The following KCTD16 variants were observed in gnomAD, a reference collection of about 807,000 sequenced individuals.
KCTD16 encodes the protein BTB/POZ domain-containing protein KCTD16.
A neutral mutation model predicts 33.2 loss-of-function variants in KCTD16; 13 were observed. The ratio of observed to expected loss-of-function variants is 0.39; its 90% CI spans 0.25 to 0.62. The LOEUF (loss-of-function observed/expected upper bound fraction) is 0.62. Ranked by LOEUF, KCTD16 falls within the 20% of genes least tolerant of loss-of-function variation. The pLI is 0.50. For synonymous variants in KCTD16, 197 were observed against 195.3 expected, an observed-to-expected ratio of 1.01 and a Z score of -0.07; for missense variants, 441 against 525.1, an observed-to-expected ratio of 0.84 and a Z score of 1.57.
intron 2 of KCTD16, among the ~76,000 whole-genome samples, chr5:144,191,449 CT>C (rs1420460509): frequency 2.7e-5 from 4 of 150,034 alleles, no homozygotes; most frequent in African/African-American, 9.7e-5. Flanking sequence ...CATATACCCC[CT>C]GACACACTTA....
intron 3 of KCTD16, among the ~76,000 whole-genome samples, chr5:144,208,496 C>G (rs566458666): frequency 6.6e-6 from 1 of 152,180 alleles, no homozygotes; most frequent in Non-Finnish European, 1.5e-5. Context: ...TTTTAACTGC[C>G]GATTTTCAAC....
chr5:144,176,691 C>G (rs1035353952), intron 2 of KCTD16, among the ~76,000 whole-genome samples: 1 of 152,036 alleles, frequency 6.6e-6, no homozygotes, highest in Non-Finnish European at 1.5e-5. Context: ...CGTGAGCCAC[C>G]GCGCCCGGCC....
intron 3 of KCTD16, among the ~76,000 whole-genome samples, chr5:144,418,234 G>C (rs758883447): frequency 3.3e-5 from 5 of 152,160 alleles, no homozygotes; most frequent in African/African-American, 1.2e-4. Flanking sequence ...TTATTACAAA[G>C]AGCAAAAGAA....
chr5:144,331,880 A>G (rs1752371753), intron 3 of KCTD16, among the ~76,000 whole-genome samples: 1 of 152,176 alleles, frequency 6.6e-6, no homozygotes, highest in African/African-American at 2.4e-5. Flanking sequence ...TCTACCCAGG[A>G]AGTAAGTAAG....
At chr5:144,358,805 C>A (rs930715933) in intron 3 of KCTD16, among the ~76,000 whole-genome samples, 1 of 152,198 alleles carries the variant, frequency 6.6e-6, no homozygotes, top group Non-Finnish European at 1.5e-5. Flanking sequence ...GTAGAAGGAA[C>A]TAATGAGCTC....
chr5:144,172,174 A>G (rs547231711), intron 1 of KCTD16, among the ~76,000 whole-genome samples: 23 of 135,462 alleles, frequency 1.7e-4, no homozygotes, highest in Non-Finnish European at 3.2e-4. Flanking sequence ...TAGCAACAAC[A>G]AAAGGATGTA....
intron 3 of KCTD16, among the ~76,000 whole-genome samples, chr5:144,380,409 C>T (rs191968221): frequency 6.3e-4 from 96 of 152,218 alleles, no homozygotes; most frequent in African/African-American, 2.3e-3. Context: ...AAAATGGCTA[C>T]ACTGCTCAAA....
chr5:144,340,912 C>A (rs527868070), intron 3 of KCTD16, among the ~76,000 whole-genome samples: 69 of 151,922 alleles, frequency 4.5e-4, no homozygotes, highest in African/African-American at 1.6e-3. Flanking sequence ...TAGCCAGGCA[C>A]GGTGGTGGGC....
At chr5:144,375,211 A>T (rs1752062929) in intron 3 of KCTD16, among the ~76,000 whole-genome samples, 1 of 152,192 alleles carries the variant, frequency 6.6e-6, no homozygotes, top group African/African-American at 2.4e-5. Context: ...ATACTACCAT[A>T]ACCTTTTACT....
intron 3 of KCTD16, chr5:144,439,319 T>C (rs1753648600): frequency 6.2e-6 from 3 of 486,040 alleles, no homozygotes; most frequent in Admixed American, 4.8e-5. Flanking sequence ...CCCACTTGAA[T>C]TGAATGGAGG....
At chr5:144,355,243 A>T (rs1159628418) in intron 3 of KCTD16, among the ~76,000 whole-genome samples, 1 of 152,200 alleles carries the variant, frequency 6.6e-6, no homozygotes, top group Non-Finnish European at 1.5e-5. Flanking sequence ...TTATCAAGTT[A>T]GCTGCTCTCC....
At position 144,205,415 on chromosome 5, in the gene KCTD16, G is replaced by A. The variant is rs886980097; in HGVS notation, c.-326-974G>A. On this transcript the variant is annotated intron_variant, in intron 2 of 3. Transcript: ENST00000512467. The stretch of plus-strand genomic sequence containing the variant: ...CATCCGAACTGCACTGGGAACTGTG[G>A]AACCACCCAGCTCCGCCGCCAGAGA... 1.0e-5 allele frequency: 4 copies of A among 398,140 alleles called. No individual in the cohort carries two copies. The East Asian group carries it at 1.4e-4, about 14-fold the overall frequency. The allele number at this position is 398,140 out of a possible 1,614,324, so 24.7% of individuals were successfully genotyped here. A position where few individuals can be genotyped will look rare whatever the true frequency, so the allele number is the denominator to read the frequency against.
chr5:144,202,112 A>G (rs1027537576), intron 2 of KCTD16, among the ~76,000 whole-genome samples: 1 of 152,230 alleles, frequency 6.6e-6, no homozygotes, highest in African/African-American at 2.4e-5. Flanking sequence ...TGAATATTAC[A>G]AAGAACAGGA....
chr5:144,329,549 C>T lies in KCTD16; in HGVS notation c.832+122003C>T, dbSNP rs747087947. On this transcript the variant is annotated intron_variant, in intron 3 of 3. Coordinates refer to ENST00000512467, the MANE Select transcript of KCTD16 (RefSeq NM_020768.4). ...CAATCAATGAAAGCATTTTATTGGACGCTTGGATTTTACTACAGGAAATCA... is the reference window on the plus strand; with the variant it reads ...CAATCAATGAAAGCATTTTATTGGATGCTTGGATTTTACTACAGGAAATCA... Among the ~76,000 whole-genome samples, 47 of 152,210 alleles carry T rather than the reference C, an allele frequency of 3.1e-4. No homozygotes were observed. The Middle Eastern group carries it at 0.01, about 33-fold the overall frequency.
chr5:144,174,108 C>T (rs1380893221), intron 1 of KCTD16, among the ~76,000 whole-genome samples, 199 bp from the exon 2 acceptor site: 1 of 152,054 alleles, frequency 6.6e-6, no homozygotes, highest in African/African-American at 2.4e-5. Flanking sequence ...TTCCCTGGGA[C>T]CTAATGTATC....
At chr5:144,272,217 A>G (rs1334184561) in intron 3 of KCTD16, among the ~76,000 whole-genome samples, 2 of 152,250 alleles carry the variant, frequency 1.3e-5, no homozygotes, top group East Asian at 3.9e-4. Context: ...TGAGGTCAGG[A>G]GTTCAAGACC....
At chr5:144,471,996 C>A (rs889349538) in intron 3 of KCTD16, among the ~76,000 whole-genome samples, 1 of 152,264 alleles carries the variant, frequency 6.6e-6, no homozygotes, top group Admixed American at 6.5e-5. Flanking sequence ...ATGTAAAGAA[C>A]AGACTTTATA....
At chr5:144,403,153 C>T (rs1370877973) in intron 3 of KCTD16, among the ~76,000 whole-genome samples, 1 of 152,224 alleles carries the variant, frequency 6.6e-6, no homozygotes, top group Non-Finnish European at 1.5e-5. Context: ...TATCTCCCAT[C>T]TCAAGATCTT....
chr5:144,416,034 G>A (rs1422119280), intron 3 of KCTD16, among the ~76,000 whole-genome samples: 5 of 151,994 alleles, frequency 3.3e-5, no homozygotes, highest in African/African-American at 4.8e-5. Flanking sequence ...TATTACTGTC[G>A]CTCATCATTC....
Sources: allele counts gnomAD v4.1 joint callset (sites outside exome capture counted in the v4.1 genomes callset), GRCh38; gene constraint gnomAD v4.1.1; transcripts MANE v1.5; gene names NCBI Gene and HGNC (gene_info 2026-07-23, HGNC 2026-07-21).